The following MITF variants were observed in gnomAD, a reference collection of about 807,000 sequenced individuals.
The protein encoded by MITF is melanocyte inducing transcription factor.
MITF carries 17 observed loss-of-function variants against 60.5 expected under a neutral mutation model. That is an observed-to-expected ratio of 0.28 (90% CI 0.19 to 0.42). The LOEUF (loss-of-function observed/expected upper bound fraction) is 0.42. Ranked by LOEUF, MITF falls within the 10% of genes least tolerant of loss-of-function variation. The pLI is 1.00. For missense variants in MITF, 622 were observed against 683.5 expected (o/e 0.91, Z 1.00); for synonymous variants, 260 against 248.5 (o/e 1.05, Z -0.43).
In MITF at chr3:69,755,433, G is replaced by GTTTTTTT. The variant is rs542141862; in HGVS notation, c.104+15764_104+15770dup. On this transcript the variant is annotated intron_variant, in intron 1 of 9. Transcript: ENST00000352241. ...ATCTTTGTATCTTTTACCCTTCTGG[G>GTTTTTTT]TTTTTTTTTTTTTTTTTTTTTTTTT... Among the ~76,000 whole-genome samples, 13 of 35,424 alleles carry GTTTTTTT rather than the reference G, an allele frequency of 3.7e-4. 2 individuals are homozygous for GTTTTTTT. Among genetic ancestry groups the GTTTTTTT allele is most frequent in the African/African-American group, 1.1e-3 (8 of 7,258 alleles). The allele number at this position is 35,424 out of a possible 152,430, so 23.2% of individuals were successfully genotyped here.
rs2066730326 is a variant in MITF, at chr3:69,967,913, TAGG to T, written c.*2666_*2668del. 1 of 233,356 alleles carries T rather than the reference TAGG, an allele frequency of 4.3e-6. No individual in the cohort carries two copies. Among genetic ancestry groups the T allele is most frequent in the Non-Finnish European group, 8.5e-6 (1 of 117,950 alleles). The allele number at this position is 233,356 out of a possible 1,614,324, so 14.5% of individuals were successfully genotyped here. A position where few individuals can be genotyped will look rare whatever the true frequency, so the allele number is the denominator to read the frequency against. Reference sequence around the variant, plus strand: ...CCAAAATTGTCCATCTGCCTCTGAGTAGGGCAATGGAAATACCAAACCTTCTGA... The same window carrying T: ...CCAAAATTGTCCATCTGCCTCTGAGTGCAATGGAAATACCAAACCTTCTGA... On this transcript the variant is annotated 3_prime_UTR_variant, in exon 10 of 10. Transcript: ENST00000352241.
chr3:69,919,373 T>G lies in MITF; in HGVS notation c.355-18449T>G, dbSNP rs577464887. On this transcript the variant is annotated intron_variant, in intron 2 of 9. Transcript: ENST00000352241. ...ATTTCTACTACTGTAGCTTTTGTTT[T>G]GTTTTGTTTTTCTAAGTGGTTTGCA... 3.3e-5 allele frequency among the ~76,000 whole-genome samples: 5 copies of G among 152,364 alleles called. No individual in the cohort carries two copies. In the South Asian group the frequency reaches 1.0e-3, roughly 32 times the overall value.
At chr3:69,834,132 C>T (rs571106402) in intron 1 of MITF, among the ~76,000 whole-genome samples, 20 of 152,276 alleles carry the variant, frequency 1.3e-4, no homozygotes, top group African/African-American at 4.6e-4. Context: ...ACATATCTGT[C>T]ATCTCATGCA....
At chr3:69,864,651 G>A (rs149024938) in intron 1 of MITF, among the ~76,000 whole-genome samples, 162 of 152,100 alleles carry the variant, frequency 1.1e-3, no homozygotes, top group Non-Finnish European at 1.7e-3. Context: ...ATCTCTCTGT[G>A]GTTTCTTGTT....
chr3:69,755,615 G>A (rs1296009883), intron 1 of MITF, among the ~76,000 whole-genome samples: 1 of 151,350 alleles, frequency 6.6e-6, no homozygotes, highest in Non-Finnish European at 1.5e-5. Context: ...CTGGTCACTA[G>A]CAAGCATAAA....
intron 2 of MITF, among the ~76,000 whole-genome samples, chr3:69,881,806 T>C (rs2064495321): frequency 6.6e-6 from 1 of 152,158 alleles, no homozygotes. Context: ...GAGTGCATTA[T>C]GATACAGATT....
intron 1 of MITF, among the ~76,000 whole-genome samples, chr3:69,749,591 G>A (rs1703853967): frequency 6.6e-6 from 1 of 152,204 alleles, no homozygotes; most frequent in African/African-American, 2.4e-5. Context: ...ATGCATTCTT[G>A]AAAATTCTAT....
chr3:69,765,147 A>G (rs1575680272), intron 1 of MITF, among the ~76,000 whole-genome samples: 1 of 152,114 alleles, frequency 6.6e-6, no homozygotes, highest in African/African-American at 2.4e-5. Flanking sequence ...CTCTGGTGGC[A>G]TTTTTGCTTA....
chr3:69,907,873 C>T (rs1034928284), intron 2 of MITF, among the ~76,000 whole-genome samples: 1 of 152,030 alleles, frequency 6.6e-6, no homozygotes, highest in Non-Finnish European at 1.5e-5. Flanking sequence ...CTGCTGGGCT[C>T]AAAGAGAGTT....
chr3:69,822,708 A>T (rs1376155514), intron 1 of MITF, among the ~76,000 whole-genome samples: 3 of 152,198 alleles, frequency 2.0e-5, no homozygotes, highest in African/African-American at 7.2e-5. Flanking sequence ...ATGGTGACTA[A>T]GTTATTTCCC....
intron 1 of MITF, among the ~76,000 whole-genome samples, chr3:69,820,815 C>T (rs1036601211): frequency 1.3e-5 from 2 of 152,080 alleles, no homozygotes; most frequent in Admixed American, 1.3e-4. Context: ...CCTGTAGATC[C>T]CTGCTCTGGT....
intron 1 of MITF, among the ~76,000 whole-genome samples, chr3:69,847,892 C>G (rs571426260): frequency 1.3e-5 from 2 of 152,334 alleles, no homozygotes; most frequent in East Asian, 3.9e-4. Context: ...TATTTCCTAA[C>G]TACCATGTTC....
chr3:69,857,524 G>GT (rs568982379), intron 1 of MITF, among the ~76,000 whole-genome samples: 595 of 143,922 alleles, frequency 4.1e-3, no homozygotes, highest in Middle Eastern at 7.3e-3. Context: ...TGATCTCATG[G>GT]TTTTTTTTTT....
intron 1 of MITF, among the ~76,000 whole-genome samples, chr3:69,848,662 C>G (rs1205087695): frequency 6.6e-6 from 1 of 152,124 alleles, no homozygotes; most frequent in Admixed American, 6.5e-5. Flanking sequence ...AAGGGCTTTG[C>G]AAAAATTTAT....
At chr3:69,925,397 T>A (rs2065563054) in intron 2 of MITF, among the ~76,000 whole-genome samples, 2 of 152,108 alleles carry the variant, frequency 1.3e-5, no homozygotes, top group Admixed American at 1.3e-4. Context: ...ACGTGGAGTA[T>A]TTTATAGCTG....
intron 2 of MITF, among the ~76,000 whole-genome samples, chr3:69,885,998 A>G (rs2064606926): frequency 6.6e-6 from 1 of 152,130 alleles, no homozygotes; most frequent in South Asian, 2.1e-4. Flanking sequence ...AGATGCAGGA[A>G]CTGTCACAGA....
At chr3:69,951,655 A>C (rs951474126) in intron 6 of MITF, among the ~76,000 whole-genome samples, 157 bp from the exon 7 acceptor site, 1 of 152,134 alleles carries the variant, frequency 6.6e-6, no homozygotes, top group Admixed American at 6.5e-5. Flanking sequence ...AAAACATGCA[A>C]GCTTTTTAAA....
chr3:69,799,924 CTA>C (rs1287595348), intron 1 of MITF, among the ~76,000 whole-genome samples: 1 of 152,090 alleles, frequency 6.6e-6, no homozygotes, highest in African/African-American at 2.4e-5. Context: ...TTTTCAGTCT[CTA>C]TGTTTTTCTT....
intron 1 of MITF, among the ~76,000 whole-genome samples, chr3:69,774,971 A>C (rs1575693483): frequency 6.6e-6 from 1 of 151,868 alleles, no homozygotes; most frequent in African/African-American, 2.4e-5. Flanking sequence ...GTTATTTTAC[A>C]CCTCAGGCCT....
Sources: allele counts gnomAD v4.1 joint callset (sites outside exome capture counted in the v4.1 genomes callset), GRCh38; gene constraint gnomAD v4.1.1; transcripts MANE v1.5; gene names NCBI Gene and HGNC (gene_info 2026-07-23, HGNC 2026-07-21).